Variants in CHCHD3 observed in about 807,000 individuals in gnomAD.
The protein encoded by CHCHD3 is MICOS complex subunit MIC19.
CHCHD3 carries 20 observed loss-of-function variants against 38.2 expected under a neutral mutation model. That is an observed-to-expected ratio of 0.52 (90% CI 0.37 to 0.76). The LOEUF is 0.76. CHCHD3 is among the 30% of genes least tolerant of loss of function. CHCHD3 has a pLI of 0.00. For synonymous variants in CHCHD3, 82 were observed against 100.0 expected (o/e 0.82, Z 1.07); for missense variants, 245 against 279.2 (o/e 0.88, Z 0.87).
intron 1 of CHCHD3, among the ~76,000 whole-genome samples, chr7:133,075,417 C>CAGTA (rs1385536762): frequency 6.6e-6 from 1 of 152,218 alleles, no homozygotes; most frequent in African/African-American, 2.4e-5. Flanking sequence ...CCATGGCCAT[C>CAGTA]TACTGTTGCA....
intron 4 of CHCHD3, among the ~76,000 whole-genome samples, chr7:132,901,261 C>G (rs1197775374): frequency 2.0e-5 from 3 of 152,140 alleles, no homozygotes; most frequent in Non-Finnish European, 4.4e-5. Context: ...AAATGATAAC[C>G]TGAGGCCTAA....
chr7:133,026,816 T>C lies in CHCHD3; in HGVS notation c.170-2189A>G, dbSNP rs532824660. Among the ~76,000 whole-genome samples, 8 of 152,176 alleles carry C rather than the reference T, an allele frequency of 5.3e-5. No homozygotes were observed. In the East Asian group the frequency reaches 1.5e-3, roughly 29 times the overall value. Reference sequence around the variant, plus strand: ...ATCCATTCATGTGAAATGTCCAGAATAGAAAAGTCCATAGACACAGAAAGT... The same window carrying C: ...ATCCATTCATGTGAAATGTCCAGAACAGAAAAGTCCATAGACACAGAAAGT... On this transcript the variant is annotated intron_variant, in intron 2 of 7. Coordinates refer to ENST00000262570, the MANE Select transcript of CHCHD3 (RefSeq NM_017812.4).
Position 132,891,597 on chromosome 7 carries a change from C to G in CHCHD3, c.370-5852G>C, listed in dbSNP as rs376992314. Among the ~76,000 whole-genome samples the G allele has an allele frequency of 3.3e-5, 5 of 152,162 alleles. No homozygotes were observed. The East Asian group carries it at 5.8e-4, about 18-fold the overall frequency. On this transcript the variant is annotated intron_variant, in intron 4 of 7. Coordinates refer to ENST00000262570, the MANE Select transcript of CHCHD3 (RefSeq NM_017812.4). ...TTCTCAGAGTTTCAAGAGCCCTGAT[C>G]GACATTTTAAGTTTCTTCATACTAA... is the stretch of plus-strand genomic sequence containing the variant.
chr7:132,928,578 T>G (rs1452463763), intron 4 of CHCHD3, among the ~76,000 whole-genome samples: 1 of 152,028 alleles, frequency 6.6e-6, no homozygotes, highest in Non-Finnish European at 1.5e-5. Context: ...ATGCCTGTAA[T>G]CCCAGCTACT....
At chr7:132,962,611 G>C (rs938693965) in intron 4 of CHCHD3, among the ~76,000 whole-genome samples, 1 of 152,170 alleles carries the variant, frequency 6.6e-6, no homozygotes, top group Non-Finnish European at 1.5e-5. Flanking sequence ...TTGGATGCCT[G>C]CTGCATTTTG....
At chr7:133,027,449 G>C (rs183366742) in intron 2 of CHCHD3, among the ~76,000 whole-genome samples, 2 of 145,380 alleles carry the variant, frequency 1.4e-5, no homozygotes, top group Admixed American at 6.8e-5. Context: ...AGGGAGGGAG[G>C]GGGGGAGAGG....
chr7:132,963,466 C>T (rs1440893142), intron 4 of CHCHD3, among the ~76,000 whole-genome samples: 2 of 150,160 alleles, frequency 1.3e-5, no homozygotes, highest in East Asian at 2.0e-4. Flanking sequence ...TCCGTCTCTA[C>T]TAAAAATACA....
chr7:132,989,930 T>G (rs1398917827), intron 3 of CHCHD3, among the ~76,000 whole-genome samples: 1 of 152,176 alleles, frequency 6.6e-6, no homozygotes, highest in Non-Finnish European at 1.5e-5. Context: ...ATGGTGGGAA[T>G]GGGGAGGTAA....
At chr7:133,013,557 A>G (rs931313036) in intron 3 of CHCHD3, among the ~76,000 whole-genome samples, 3 of 152,218 alleles carry the variant, frequency 2.0e-5, no homozygotes, top group African/African-American at 4.8e-5. Flanking sequence ...TTACTATTAC[A>G]TATTATTAGT....
intron 6 of CHCHD3, among the ~76,000 whole-genome samples, chr7:132,804,009 T>G (rs1806853861): frequency 6.6e-6 from 1 of 151,842 alleles, no homozygotes; most frequent in Non-Finnish European, 1.5e-5. Flanking sequence ...ACTGCCTTTA[T>G]CACCCATTTT....
At chr7:132,973,929 A>G in intron 4 of CHCHD3, 1 of 1,271,486 alleles carries the variant, frequency 7.9e-7, no homozygotes, top group South Asian at 1.3e-5. Context: ...TGAGGACTAA[A>G]GGTTCCGAGG....
intron 4 of CHCHD3, chr7:132,973,933 T>C (rs1287043301): frequency 7.8e-7 from 1 of 1,276,286 alleles, no homozygotes; most frequent in East Asian, 5.6e-5. Flanking sequence ...GACTAAAGGT[T>C]CCGAGGAGTA....
chr7:133,007,017 G>A (rs1367972062), intron 3 of CHCHD3, among the ~76,000 whole-genome samples: 1 of 152,086 alleles, frequency 6.6e-6, no homozygotes, highest in Admixed American at 6.5e-5. Flanking sequence ...GTGGTTTTGT[G>A]TGAATAGTGA....
chr7:132,800,012 C>T (rs747031589), intron 6 of CHCHD3, among the ~76,000 whole-genome samples: 3 of 152,116 alleles, frequency 2.0e-5, no homozygotes, highest in Non-Finnish European at 4.4e-5. Flanking sequence ...TCAAAAGAAG[C>T]ACTTCTGGTA....
At chr7:132,834,016 AG>A (rs1807714442) in intron 6 of CHCHD3, among the ~76,000 whole-genome samples, 1 of 152,180 alleles carries the variant, frequency 6.6e-6, no homozygotes, top group Non-Finnish European at 1.5e-5. Context: ...GTTGCCTAAG[AG>A]GAACTGTTGA....
intron 3 of CHCHD3, among the ~76,000 whole-genome samples, chr7:133,020,844 C>T (rs998618292): frequency 3.9e-5 from 6 of 151,944 alleles, no homozygotes; most frequent in Admixed American, 2.6e-4. Flanking sequence ...TGATCCAGAA[C>T]AATTAAATCC....
chr7:132,918,040 A>G (rs1486510577), intron 4 of CHCHD3, among the ~76,000 whole-genome samples: 5 of 152,148 alleles, frequency 3.3e-5, no homozygotes, highest in Non-Finnish European at 7.4e-5. Flanking sequence ...TGAAGATTTA[A>G]GTCATTTTGT....
chr7:133,023,025 CAA>C (rs901676685), intron 3 of CHCHD3, among the ~76,000 whole-genome samples: 11 of 149,972 alleles, frequency 7.3e-5, no homozygotes, highest in African/African-American at 2.7e-4. Flanking sequence ...TTAAAAATAA[CAA>C]AATTTCAAAG....
intron 6 of CHCHD3, among the ~76,000 whole-genome samples, chr7:132,828,290 G>A (rs974132886): frequency 6.6e-6 from 1 of 152,042 alleles, no homozygotes; most frequent in African/African-American, 2.4e-5. Flanking sequence ...AGTATTGTCA[G>A]TCTTCTTGAT....
Sources: allele counts gnomAD v4.1 joint callset (sites outside exome capture counted in the v4.1 genomes callset), GRCh38; gene constraint gnomAD v4.1.1; transcripts MANE v1.5; gene names NCBI Gene and HGNC (gene_info 2026-07-23, HGNC 2026-07-21).